Variants in HGSNAT observed in about 807,000 individuals in gnomAD.
HGSNAT encodes the protein transmembrane protein 76.
Under a neutral mutation model 85.2 loss-of-function variants are expected in HGSNAT, and 59 were observed. That is an observed-to-expected ratio of 0.69 (90% confidence interval 0.56 to 0.86). HGSNAT has a LOEUF of 0.86. Ranked by LOEUF, HGSNAT falls within the 40% of genes least tolerant of loss-of-function variation. HGSNAT has a pLI of 0.00. For missense variants in HGSNAT, 756 were observed against 777.1 expected (o/e 0.97, Z 0.32); for synonymous variants, 321 against 304.5 (o/e 1.05, Z -0.56).
At position 43,159,020 on chromosome 8, in the gene HGSNAT, G is replaced by A. The variant is rs553837106; in HGVS notation, c.469G>A (p.Glu157Lys). 13 of 1,613,734 alleles carry A rather than the reference G, an allele frequency of 8.1e-6. No homozygotes were observed. The South Asian group carries it at 9.9e-5, about 12-fold the overall frequency. Reference sequence around the variant, plus strand: ...AATTGCCTGTGACCTGGCTGTGAACGAGGATCCAGTTGATAGTAACCTTCG... The same window carrying A: ...AATTGCCTGTGACCTGGCTGTGAACAAGGATCCAGTTGATAGTAACCTTCG... ...SEIACDLAVN[E>K]DPVDSNLPVS... Residue 157 changes from glutamate (E) to lysine (K), a missense_variant, in exon 4 of 18, where the codon GAG becomes AAG. Transcript: ENST00000379644.
intron 2 of HGSNAT, among the ~76,000 whole-genome samples, chr8:43,153,291 G>A (rs955447939): frequency 3.3e-5 from 5 of 151,934 alleles, no homozygotes; most frequent in Non-Finnish European, 7.4e-5. Context: ...TACTCCAAGA[G>A]GATTCAAGTT....
chr8:43,149,713 A>AT lies in HGSNAT; in HGVS notation c.234+2659dup, dbSNP rs534725579. Among the ~76,000 whole-genome samples, 1,376 of 151,440 alleles carry AT rather than the reference A, an allele frequency of 9.1e-3. 25 individuals are homozygous for AT. Among genetic ancestry groups the AT allele is most frequent in the African/African-American group, 0.031 (1,292 of 41,302 alleles). ...AGACTCTGTCTCAAAAAAAAAAAAA[A>AT]TTTTTTTTTAAATTTTAAGCAGATG... On this transcript the variant is annotated intron_variant, in intron 2 of 17. Transcript: ENST00000379644.
rs1804151274 is a variant in HGSNAT at position 43,182,224 on chromosome 8, C to G, written c.1092C>G (p.Leu364=). The G allele has an allele frequency of 6.2e-7, 1 of 1,613,882 alleles. No homozygotes were observed. Among genetic ancestry groups the G allele is most frequent in the African/African-American group, 1.3e-5 (1 of 75,004 alleles). ...VTYFVVAVLE[L]LFAKPVPEHC... The stretch of plus-strand genomic sequence containing the variant: ...ACTTTGTGGTTGCTGTGTTGGAGCT[C>G]CTCTTTGCTAAACCTGTGCCTGAAC... The change falls in exon 11 of 18, where the codon CTC becomes CTG. Residue 364 remains leucine, a synonymous_variant. Coordinates refer to ENST00000379644, the MANE Select transcript of HGSNAT (RefSeq NM_152419.3).
intron 10 of HGSNAT, among the ~76,000 whole-genome samples, chr8:43,178,774 G>T (rs1435404728): frequency 6.7e-6 from 1 of 149,146 alleles, no homozygotes; most frequent in African/African-American, 2.5e-5. Flanking sequence ...CGCAGTGTTT[G>T]TGTCCCTGGG....
chr8:43,147,201 G>A (rs530029234), intron 2 of HGSNAT, 138 bp downstream of exon 2: 25 of 573,096 alleles, frequency 4.4e-5, no homozygotes, highest in Admixed American at 7.6e-5. Flanking sequence ...ATAAAGAGTC[G>A]GAAGAAATAC....
intron 17 of HGSNAT, among the ~76,000 whole-genome samples, chr8:43,198,235 T>C (rs535100270): frequency 2.0e-4 from 30 of 150,936 alleles, no homozygotes; most frequent in African/African-American, 7.1e-4. Flanking sequence ...TACCAAATTG[T>C]GGAGGAGCGG....
At chr8:43,191,881 T>C (rs1370333170) in intron 12 of HGSNAT, among the ~76,000 whole-genome samples, 3 of 152,088 alleles carry the variant, frequency 2.0e-5, no homozygotes, top group Non-Finnish European at 4.4e-5. Context: ...TGGCTCATGT[T>C]TGGGGCTCTC....
chr8:43,194,019 C>T (rs1344019990), intron 14 of HGSNAT, 176 bp downstream of exon 14: 1 of 1,366,646 alleles, frequency 7.3e-7, no homozygotes, highest in African/African-American at 1.5e-5. Context: ...AAATTCAGCA[C>T]ATTCAAGTAA....
intron 5 of HGSNAT, among the ~76,000 whole-genome samples, chr8:43,163,330 G>A (rs1486024546): frequency 6.6e-6 from 1 of 152,094 alleles, no homozygotes; most frequent in Non-Finnish European, 1.5e-5. Flanking sequence ...GACAAAGCAG[G>A]AGTCCCTTAT....
At chr8:43,178,406 A>AT (rs1803889558) in intron 10 of HGSNAT, among the ~76,000 whole-genome samples, 172 bp downstream of exon 10, 1 of 151,942 alleles carries the variant, frequency 6.6e-6, no homozygotes, top group African/African-American at 2.4e-5. Flanking sequence ...TTATTTTTGA[A>AT]TTTTAGACCT....
At chr8:43,173,598 A>G in intron 8 of HGSNAT, 115 bp from the exon 9 acceptor site, 22 of 1,137,528 alleles carry the variant, frequency 1.9e-5, no homozygotes, top group Non-Finnish European at 2.8e-5. Context: ...GGCATGAGTC[A>G]CTGCGCCTCC....
In HGSNAT at chr8:43,142,175, A is replaced by G. The variant is rs1416631074; in HGVS notation, c.118+1561A>G. ...AATTAAATATTTGGAAAGGAAATAAAGGTGTAATACACAAGCAGCACATTT... is the reference window on the plus strand; with the variant it reads ...AATTAAATATTTGGAAAGGAAATAAGGGTGTAATACACAAGCAGCACATTT... On this transcript the variant is annotated intron_variant, in intron 1 of 17. Coordinates refer to ENST00000379644, the MANE Select transcript of HGSNAT (RefSeq NM_152419.3). Among the ~76,000 whole-genome samples the G allele has an allele frequency of 2.0e-5, 3 of 152,214 alleles. No individual in the cohort carries two copies. In the East Asian group the frequency reaches 5.8e-4, roughly 29 times the overall value.
In HGSNAT at chr8:43,162,060, A is replaced by G. The variant is rs552723794; in HGVS notation, c.563+553A>G. On this transcript the variant is annotated intron_variant, in intron 5 of 17. Coordinates refer to ENST00000379644, the MANE Select transcript of HGSNAT (RefSeq NM_152419.3). ...TGCGTGGTGAATAGCGATTCTGGTA[A>G]GAGTGAATTAGTAGACTAGAACAAG... Among the ~76,000 whole-genome samples, 6 of 152,384 alleles carry G rather than the reference A, an allele frequency of 3.9e-5. No individual in the cohort carries two copies. The East Asian group carries it at 1.2e-3, about 29-fold the overall frequency.
intron 11 of HGSNAT, among the ~76,000 whole-genome samples, chr8:43,188,106 T>A (rs2130797145): frequency 6.6e-6 from 1 of 152,334 alleles, no homozygotes; most frequent in East Asian, 1.9e-4. Flanking sequence ...TTGGTGAATC[T>A]GACAATTATG....
chr8:43,184,256 T>A (rs1421895506), intron 11 of HGSNAT, among the ~76,000 whole-genome samples: 2 of 152,186 alleles, frequency 1.3e-5, no homozygotes, highest in Non-Finnish European at 2.9e-5. Flanking sequence ...CCACCAACAG[T>A]GTAAAAGTGT....
Position 43,166,571 on chromosome 8 carries a change from C to T in HGSNAT, c.564-2602C>T, listed in dbSNP as rs867461337. On this transcript the variant is annotated intron_variant, in intron 5 of 17. Coordinates refer to ENST00000379644, the MANE Select transcript of HGSNAT (RefSeq NM_152419.3). ...TTACTGACTATTTTAAGCCTACTGT[C>T]GAGACCTACTGTTCAGAAAAGAATA... 1.2e-4 allele frequency among the ~76,000 whole-genome samples: 18 copies of T among 152,220 alleles called. No homozygotes were observed. In the East Asian group the frequency reaches 1.4e-3, roughly 11 times the overall value.
intron 11 of HGSNAT, chr8:43,182,527 T>C (rs373565008): frequency 2.6e-5 from 12 of 461,362 alleles, no homozygotes; most frequent in East Asian, 8.9e-5. Flanking sequence ...CACTGAAGCC[T>C]CAACATCCCA....
At chr8:43,153,570 G>A (rs1281297182) in intron 2 of HGSNAT, among the ~76,000 whole-genome samples, 1 of 152,064 alleles carries the variant, frequency 6.6e-6, no homozygotes, top group Non-Finnish European at 1.5e-5. Context: ...TCTTTGTGGT[G>A]CGATGGTTCA....
At chr8:43,147,146 C>T in intron 2 of HGSNAT, 83 bp downstream of exon 2, 1 of 758,324 alleles carries the variant, frequency 1.3e-6, no homozygotes, top group East Asian at 2.9e-5. Flanking sequence ...TAAAGCCCTT[C>T]ACAAGTTAAT....
Sources: allele counts gnomAD v4.1 joint callset (sites outside exome capture counted in the v4.1 genomes callset), GRCh38; gene constraint gnomAD v4.1.1; transcripts MANE v1.5; gene names NCBI Gene and HGNC (gene_info 2026-07-23, HGNC 2026-07-21).